The following MTFR2 variants were observed in gnomAD, a reference collection of about 807,000 sequenced individuals.
The protein encoded by MTFR2 is DUF729 domain-containing protein 1.
Under a neutral mutation model 41.2 loss-of-function variants are expected in MTFR2, and 44 were observed. The ratio of observed to expected loss-of-function variants is 1.07; its 90% CI spans 0.84 to 1.37. The LOEUF is 1.37. MTFR2 is among the 40% of genes most tolerant of loss of function. MTFR2 has a pLI of 0.00. For synonymous variants in MTFR2, 141 were observed against 154.6 expected (o/e 0.91, Z 0.65); for missense variants, 452 against 459.5 (o/e 0.98, Z 0.15).
At chr6:136,238,627 A>G (rs950164791) in intron 6 of MTFR2, among the ~76,000 whole-genome samples, 1 of 152,008 alleles carries the variant, frequency 6.6e-6, no homozygotes, top group Non-Finnish European at 1.5e-5. Flanking sequence ...ACGATACTGT[A>G]TTATACACAT....
rs771116798 is a variant in MTFR2, at chr6:136,241,741, C to T, written c.282-65G>A. 677 of 1,197,212 alleles carry T rather than the reference C, an allele frequency of 5.7e-4. 1 individual carries two copies. The highest frequency in any genetic ancestry group is 7.7e-4 in the Non-Finnish European group (647 of 839,788). 74.2% of individuals were successfully genotyped at this position (1,197,212 alleles called of 1,614,324 possible). A position where few individuals can be genotyped will look rare whatever the true frequency, so the allele number is the denominator to read the frequency against. ...TTTCCAATCAAAAGAGGTATAAACTCTTACACTCCTACGTGAAAATCAAAA... is the reference window on the plus strand; with the variant it reads ...TTTCCAATCAAAAGAGGTATAAACTTTTACACTCCTACGTGAAAATCAAAA... On this transcript the variant is annotated intron_variant, in intron 4 of 7. Coordinates refer to ENST00000420702, the MANE Select transcript of MTFR2 (RefSeq NM_001099286.3).
chr6:136,231,439 A>G, intron 7 of MTFR2, 51 bp from the exon 8 acceptor site: 1 of 1,187,826 alleles, frequency 8.4e-7, no homozygotes, highest in Non-Finnish European at 1.2e-6. Context: ...GTCAAAAAAA[A>G]AAAAGAATGG....
chr6:136,242,957 T>C lies in MTFR2; in HGVS notation c.185A>G (p.Asn62Ser), dbSNP rs1780119549. The change falls in exon 4 of 8, where the codon AAC becomes AGC. Residue 62 changes from asparagine (N) to serine (S), a missense_variant. Transcript: ENST00000420702. ...RPNFELIPLL[N>S]SVDSDNCGSM... ...TCCACAATTATCAGAGTCTACAGAGTTCAAGAGCGGGATCAACTAAAGTAA... is the reference window on the plus strand; with the variant it reads ...TCCACAATTATCAGAGTCTACAGAGCTCAAGAGCGGGATCAACTAAAGTAA... 3.7e-6 allele frequency: 6 copies of C among 1,602,498 alleles called. No homozygotes were observed. The Admixed American group carries it at 6.9e-5, about 19-fold the overall frequency.
chr6:136,235,319 G>A (rs1326321041), intron 6 of MTFR2, among the ~76,000 whole-genome samples: 2 of 152,248 alleles, frequency 1.3e-5, no homozygotes, highest in African/African-American at 4.8e-5. Context: ...TTTTGGACCT[G>A]TGAAACGAGA....
At chr6:136,240,907 C>T (rs547192089) in intron 5 of MTFR2, among the ~76,000 whole-genome samples, 94 of 152,168 alleles carry the variant, frequency 6.2e-4, no homozygotes, top group South Asian at 2.1e-3. Flanking sequence ...CTGGCTAACA[C>T]GGTGAAACCC....
At position 136,233,148 on chromosome 6, in the gene MTFR2, T is replaced by C. The variant is rs183125352; in HGVS notation, c.1044+177A>G. On this transcript the variant is annotated intron_variant, in intron 7 of 7. Coordinates refer to ENST00000420702, the MANE Select transcript of MTFR2 (RefSeq NM_001099286.3). Reference sequence around the variant, plus strand: ...AAAAGAGCTCATGATAGGCTAAAAGTGAAAATGAGCATATAAAATTAACAA... The same window carrying C: ...AAAAGAGCTCATGATAGGCTAAAAGCGAAAATGAGCATATAAAATTAACAA... The C allele has an allele frequency of 1.3e-4, 63 of 477,928 alleles. No individual in the cohort carries two copies. The East Asian group carries it at 1.8e-3, about 14-fold the overall frequency. The allele number at this position is 477,928 out of a possible 1,614,324, so 29.6% of individuals were successfully genotyped here. A position where few individuals can be genotyped will look rare whatever the true frequency, so the allele number is the denominator to read the frequency against.
chr6:136,232,633 C>A (rs1779794078), intron 7 of MTFR2, among the ~76,000 whole-genome samples: 2 of 152,160 alleles, frequency 1.3e-5, no homozygotes, highest in African/African-American at 4.8e-5. Flanking sequence ...TGCTATCTAG[C>A]TGACTTTAGA....
At chr6:136,245,299 T>C (rs571462494) in intron 2 of MTFR2, among the ~76,000 whole-genome samples, 1 of 152,322 alleles carries the variant, frequency 6.6e-6, no homozygotes, top group Non-Finnish European at 1.5e-5. Flanking sequence ...TATACTTATG[T>C]AATTTCCTTT....
chr6:136,247,257 A>G (rs960880991), intron 2 of MTFR2, among the ~76,000 whole-genome samples: 1 of 152,170 alleles, frequency 6.6e-6, no homozygotes, highest in African/African-American at 2.4e-5. Flanking sequence ...AGGCTGGGGC[A>G]GGAGAATCAC....
chr6:136,241,660 T>C lies in MTFR2; in HGVS notation c.298A>G (p.Asn100Asp). Residue 100 changes from asparagine to aspartate, a missense_variant, in exon 5 of 8, where the codon AAT becomes GAT. Asn to Asp is a conservative substitution (Grantham distance 23). Transcript: ENST00000420702. ...YLRFRNSIWK[N>D]EEEKVEIFHP... The stretch of plus-strand genomic sequence containing the variant: ...AAAATTTCCACTTTCTCTTCTTCAT[T>C]TTTCCATATACTATTTCTGTGGGTG... The C allele has an allele frequency of 6.2e-7, 1 of 1,611,750 alleles. No homozygotes were observed. The highest frequency in any genetic ancestry group is 1.1e-5 in the South Asian group (1 of 90,268).
rs552812294 is a variant in MTFR2 at position 136,241,187 on chromosome 6, A to C, written c.514+257T>G. Among the ~76,000 whole-genome samples the C allele has an allele frequency of 7.9e-5, 12 of 152,246 alleles. No individual in the cohort carries two copies. In the East Asian group the frequency reaches 2.3e-3, roughly 29 times the overall value. On this transcript the variant is annotated intron_variant, in intron 5 of 7. Coordinates refer to ENST00000420702, the MANE Select transcript of MTFR2 (RefSeq NM_001099286.3). ...GTAAAGCTAGTTCTTCTTTAAATCA[A>C]AGCCATCCCCTCACTACAAATGTGT...
rs1562209297 is a variant in MTFR2 at position 136,239,465 on chromosome 6, C to T, written c.869+1G>A. ...TCACTTTTCAAATTACAACAACATA[C>T]CGCTCAATTGCACGAAGCTTAACCT... On this transcript the variant is annotated splice_donor_variant, in intron 6 of 7. Coordinates refer to ENST00000420702, the MANE Select transcript of MTFR2 (RefSeq NM_001099286.3). LOFTEE classifies it high-confidence loss of function. 1.9e-6 allele frequency: 3 copies of T among 1,585,054 alleles called. No homozygotes were observed. The highest frequency in any genetic ancestry group is 1.1e-5 in the South Asian group (1 of 87,492).
At chr6:136,244,280 G>T (rs1159464084) in intron 3 of MTFR2, among the ~76,000 whole-genome samples, 1 of 152,174 alleles carries the variant, frequency 6.6e-6, no homozygotes, top group Non-Finnish European at 1.5e-5. Flanking sequence ...TCCATTCATG[G>T]TAGGTGCCCT....
In MTFR2 at chr6:136,231,164, A is replaced by G. The variant is rs1425741624; in HGVS notation, c.*111T>C. 1 of 668,208 alleles carries G rather than the reference A, an allele frequency of 1.5e-6. No homozygotes were observed. Among genetic ancestry groups the G allele is most frequent in the Admixed American group, 3.0e-5 (1 of 33,308 alleles). 41.4% of individuals were successfully genotyped at this position (668,208 alleles called of 1,614,324 possible). A position where few individuals can be genotyped will look rare whatever the true frequency, so the allele number is the denominator to read the frequency against. On this transcript the variant is annotated 3_prime_UTR_variant, in exon 8 of 8. Coordinates refer to ENST00000420702, the MANE Select transcript of MTFR2 (RefSeq NM_001099286.3). ...AGTGTAGGCAAAATGTGTCAAGAAG[A>G]GTCTTTAAATACATCTACTTTTAGC...
At chr6:136,239,877 T>A (rs771981572) in intron 5 of MTFR2, 57 bp from the exon 6 acceptor site, 1 of 1,399,624 alleles carries the variant, frequency 7.1e-7, no homozygotes, top group East Asian at 2.5e-5. Flanking sequence ...ACGTAATATA[T>A]ATTAATAACA....
rs745346300 is a variant in MTFR2 at position 136,241,434 on chromosome 6, T to C, written c.514+10A>G. The C allele has an allele frequency of 1.2e-6, 2 of 1,601,966 alleles. No homozygotes were observed. Among genetic ancestry groups the C allele is most frequent in the Admixed American group, 3.4e-5 (2 of 58,898 alleles). ...CATCTAACTGAAACAAAAATCCTAC[T>C]GTTACTTACTAGAATTTGTACTATT... On this transcript the variant is annotated intron_variant, in intron 5 of 7. Transcript: ENST00000420702.
chr6:136,243,912 G>A lies in MTFR2; in HGVS notation c.168+853C>T, dbSNP rs868480010. 5.3e-5 allele frequency among the ~76,000 whole-genome samples: 8 copies of A among 152,032 alleles called. 1 individual carries two copies. The Middle Eastern group carries it at 0.014, about 259-fold the overall frequency. On this transcript the variant is annotated intron_variant, in intron 3 of 7. Transcript: ENST00000420702. ...CTGCCCTGGGTAGGCCTAGGCTAAC[G>A]TGTGTGCTTGTGTCTTAGTTTTAAC...
intron 6 of MTFR2, among the ~76,000 whole-genome samples, chr6:136,238,571 G>T (rs1469716406): frequency 1.3e-5 from 2 of 152,092 alleles, no homozygotes; most frequent in African/African-American, 4.8e-5. Context: ...TTTCAGTTAT[G>T]CAAGATGAAA....
At chr6:136,240,920 T>A (rs547975962) in intron 5 of MTFR2, among the ~76,000 whole-genome samples, 11 of 152,050 alleles carry the variant, frequency 7.2e-5, no homozygotes, top group Non-Finnish European at 1.6e-4. Context: ...TGAAACCCCG[T>A]CTCTACTAAA....
Sources: gnomAD v4.1 joint callset for allele counts (sites outside exome capture counted in the v4.1 genomes callset) on GRCh38, gnomAD v4.1.1 for gene constraint, MANE v1.5 for transcripts, NCBI Gene and HGNC (gene_info 2026-07-23, HGNC 2026-07-21) for gene names.